Variants in SPMAP2L observed in about 807,000 individuals in gnomAD.
SPMAP2L encodes the protein sperm microtubule associated protein 2-like.
At chr4:56,604,665 A>G in the SPMAP2L span, among the ~76,000 whole-genome samples, 1,218 of 152,130 alleles carry the variant, frequency 8.0e-3, 16 homozygotes, top group African/African-American at 0.028. Flanking sequence ...TCTCAAAAAA[A>G]AAAAGAAAAG....
At chr4:56,545,815 G>A in the SPMAP2L span, among the ~76,000 whole-genome samples, 1 of 151,782 alleles carries the variant, frequency 6.6e-6, no homozygotes, top group Admixed American at 6.6e-5. Context: ...TGTTTGAGAC[G>A]GAGTTTCGCT....
chr4:56,623,410 C>A, the SPMAP2L span, among the ~76,000 whole-genome samples: 2 of 152,198 alleles, frequency 1.3e-5, no homozygotes, highest in Admixed American at 1.3e-4. Flanking sequence ...TATCTGTGTT[C>A]TCCCTTGCTA....
At chr4:56,561,593 C>G in the SPMAP2L span, among the ~76,000 whole-genome samples, 258 of 152,232 alleles carry the variant, frequency 1.7e-3, 1 homozygote, top group Middle Eastern at 0.014. Flanking sequence ...TAAAACTAAT[C>G]CAGTCTCAAG....
chr4:56,574,575 C>A, the SPMAP2L span, among the ~76,000 whole-genome samples: 2 of 152,036 alleles, frequency 1.3e-5, no homozygotes, highest in South Asian at 4.2e-4. Context: ...TATAATTCAC[C>A]GTATAAAATA....
the SPMAP2L span, among the ~76,000 whole-genome samples, chr4:56,537,650 C>G: frequency 1.2e-4 from 19 of 152,088 alleles, no homozygotes; most frequent in Non-Finnish European, 2.6e-4. Context: ...CACACTCACT[C>G]CAGTTGTCCA....
At chr4:56,580,455 G>A in the SPMAP2L span, among the ~76,000 whole-genome samples, 3 of 152,028 alleles carry the variant, frequency 2.0e-5, no homozygotes, top group African/African-American at 7.2e-5. Flanking sequence ...AAACAAGCTA[G>A]GCATGGAAGG....
chr4:56,617,033 A>C, the SPMAP2L span, among the ~76,000 whole-genome samples: 10 of 152,150 alleles, frequency 6.6e-5, no homozygotes, highest in Non-Finnish European at 1.5e-4. Flanking sequence ...GAAACCTCGA[A>C]TAGTACGGAA....
the SPMAP2L span, among the ~76,000 whole-genome samples, chr4:56,576,933 C>T: frequency 1.3e-5 from 2 of 152,160 alleles, no homozygotes; most frequent in African/African-American, 4.8e-5. Context: ...GTAGACTTTT[C>T]TGCTGCTTGA....
the SPMAP2L span, among the ~76,000 whole-genome samples, chr4:56,565,550 T>C: frequency 6.6e-6 from 1 of 152,156 alleles, no homozygotes; most frequent in African/African-American, 2.4e-5. Flanking sequence ...AAGTAGATGC[T>C]CCCAGTCCCC....
the SPMAP2L span, chr4:56,594,210 C>G: frequency 6.2e-7 from 1 of 1,610,242 alleles, no homozygotes. Flanking sequence ...AGGACCAGCC[C>G]GTTCCTCACC....
chr4:56,623,050 C>T, the SPMAP2L span, among the ~76,000 whole-genome samples: 1 of 152,126 alleles, frequency 6.6e-6, no homozygotes, highest in Non-Finnish European at 1.5e-5. Context: ...TTCTTTTCCT[C>T]CATATGTTCC....
the SPMAP2L span, among the ~76,000 whole-genome samples, chr4:56,590,410 A>G: frequency 6.6e-6 from 1 of 152,250 alleles, no homozygotes; most frequent in East Asian, 1.9e-4. Context: ...TGTGCAAGAT[A>G]AGCAAATGGA....
chr4:56,575,563 G>A, the SPMAP2L span: 1 of 1,535,402 alleles, frequency 6.5e-7, no homozygotes, highest in Non-Finnish European at 8.7e-7. Context: ...CACTCCTCCT[G>A]CATTGTTTAG....
chr4:56,541,570 C>T, the SPMAP2L span, among the ~76,000 whole-genome samples: 19 of 150,434 alleles, frequency 1.3e-4, no homozygotes, highest in African/African-American at 4.7e-4. Context: ...TATAATAAAC[C>T]CCTATGTACC....
the SPMAP2L span, among the ~76,000 whole-genome samples, chr4:56,566,695 C>CTTTTTTTTTTTTTTT: frequency 6.5e-5 from 6 of 92,446 alleles, no homozygotes; most frequent in Admixed American, 1.5e-4. Context: ...TTTTCTTTTT[C>CTTTTTTTTTTTTTTT]TTTTTTTTTT....
chr4:56,572,215 T>C, the SPMAP2L span, among the ~76,000 whole-genome samples: 1 of 152,256 alleles, frequency 6.6e-6, no homozygotes, highest in African/African-American at 2.4e-5. Context: ...TTATGTACTG[T>C]ACATAATTGT....
At chr4:56,553,497 G>A in the SPMAP2L span, among the ~76,000 whole-genome samples, 2 of 82,556 alleles carry the variant, frequency 2.4e-5, no homozygotes, top group Non-Finnish European at 3.2e-5. Context: ...CTGTCCTATT[G>A]CTTTTTTTTT....
the SPMAP2L span, among the ~76,000 whole-genome samples, chr4:56,564,939 A>G: frequency 6.6e-6 from 1 of 152,222 alleles, no homozygotes; most frequent in Admixed American, 6.5e-5. Context: ...TATTAGATGT[A>G]TATTATTTAG....
At chr4:56,615,780 C>A in the SPMAP2L span, among the ~76,000 whole-genome samples, 70 of 146,026 alleles carry the variant, frequency 4.8e-4, 1 homozygote, top group East Asian at 0.011. Flanking sequence ...AACAAACAAA[C>A]AAAATAAATA....
Sources: allele counts gnomAD v4.1 joint callset (sites outside exome capture counted in the v4.1 genomes callset), GRCh38; gene constraint gnomAD v4.1.1; transcripts MANE v1.5; gene names NCBI Gene and HGNC (gene_info 2026-07-23, HGNC 2026-07-21).